TRPC4: variants seen among roughly 807,000 people sequenced by gnomAD.
TRPC4 encodes the protein transient receptor potential cation channel subfamily C member 4, also known as short transient receptor potential channel 4.
A neutral mutation model predicts 99.4 loss-of-function variants in TRPC4; 49 were observed. The ratio of observed to expected loss-of-function variants is 0.49; its 90% CI spans 0.39 to 0.63. The LOEUF (loss-of-function observed/expected upper bound fraction) is 0.63. Among genes scored for constraint, TRPC4 ranks in the 20% least tolerant of loss-of-function variants. TRPC4 has a pLI of 0.00. For synonymous variants in TRPC4, 454 were observed against 425.9 expected (o/e 1.07, Z -0.81); for missense variants, 898 against 1,152.9 (o/e 0.78, Z 3.20).
intron 3 of TRPC4, among the ~76,000 whole-genome samples, chr13:37,728,074 C>T (rs996726180): frequency 6.6e-6 from 1 of 151,832 alleles, no homozygotes; most frequent in African/African-American, 2.4e-5. Flanking sequence ...GAAAAATCAA[C>T]AATGGACATC....
chr13:37,765,792 T>G (rs184016023), intron 2 of TRPC4, among the ~76,000 whole-genome samples: 27 of 151,660 alleles, frequency 1.8e-4, no homozygotes, highest in African/African-American at 6.0e-4. Flanking sequence ...TTTGCTGATT[T>G]ATTGTTCAGT....
chr13:37,756,846 A>G (rs1755767117), intron 2 of TRPC4, among the ~76,000 whole-genome samples: 1 of 151,912 alleles, frequency 6.6e-6, no homozygotes, highest in African/African-American at 2.4e-5. Flanking sequence ...AAATACACTA[A>G]TAGTTTGATT....
chr13:37,819,617 T>C (rs1431251128), intron 1 of TRPC4, among the ~76,000 whole-genome samples: 2 of 151,712 alleles, frequency 1.3e-5, no homozygotes, highest in Non-Finnish European at 2.9e-5. Context: ...GGGAGCCAAA[T>C]GATAAGAACA....
chr13:37,688,774 G>GA (rs1016102343), intron 4 of TRPC4, among the ~76,000 whole-genome samples: 2 of 152,096 alleles, frequency 1.3e-5, no homozygotes, highest in African/African-American at 2.4e-5. Flanking sequence ...GAAGACTTGA[G>GA]AAAAAACCAT....
chr13:37,839,947 C>T (rs993614247), intron 1 of TRPC4, among the ~76,000 whole-genome samples: 2 of 152,140 alleles, frequency 1.3e-5, no homozygotes, highest in Non-Finnish European at 2.9e-5. Context: ...TAAAAACAAT[C>T]ACATTTGGGT....
chr13:37,696,003 G>A (rs746886302), intron 3 of TRPC4, among the ~76,000 whole-genome samples: 6 of 152,152 alleles, frequency 3.9e-5, no homozygotes, highest in South Asian at 4.1e-4. Flanking sequence ...TTTTTATACC[G>A]CTGATAAAGA....
chr13:37,772,595 A>C (rs1408104347), intron 2 of TRPC4, among the ~76,000 whole-genome samples: 1 of 151,844 alleles, frequency 6.6e-6, no homozygotes. Flanking sequence ...ACATATTTTC[A>C]ACATAATATT....
At chr13:37,856,911 A>G (rs1641224309) in intron 1 of TRPC4, among the ~76,000 whole-genome samples, 1 of 151,702 alleles carries the variant, frequency 6.6e-6, no homozygotes, top group Non-Finnish European at 1.5e-5. Context: ...GATAAAAGCA[A>G]TATATGACAA....
chr13:37,758,689 A>G (rs960251184), intron 2 of TRPC4, among the ~76,000 whole-genome samples: 1 of 151,780 alleles, frequency 6.6e-6, no homozygotes, highest in African/African-American at 2.4e-5. Flanking sequence ...ATGTGTATGC[A>G]GTACAAAAAT....
intron 1 of TRPC4, among the ~76,000 whole-genome samples, chr13:37,846,635 G>A (rs1185976940): frequency 3.1e-5 from 3 of 95,764 alleles, no homozygotes; most frequent in African/African-American, 1.2e-4. Context: ...AATGAAGACA[G>A]AAAGAGAGGA....
intron 1 of TRPC4, among the ~76,000 whole-genome samples, chr13:37,812,013 A>C (rs2139479923): frequency 6.6e-6 from 1 of 151,642 alleles, no homozygotes; most frequent in South Asian, 2.1e-4. Flanking sequence ...AAATACAAAA[A>C]ATATCCAGGT....
At chr13:37,781,673 G>A (rs1214033139) in intron 2 of TRPC4, among the ~76,000 whole-genome samples, 3 of 152,020 alleles carry the variant, frequency 2.0e-5, no homozygotes, top group Non-Finnish European at 4.4e-5. Flanking sequence ...ACAAACAACC[G>A]TTTATGAAAG....
chr13:37,851,178 A>G lies in TRPC4; in HGVS notation c.-28+18417T>C, dbSNP rs551890079. ...ATACAAGGAATACATAGAGTCTTGT[A>G]AAATTTTAAAATTAGTCTCCAGTCA... On this transcript the variant is annotated intron_variant, in intron 1 of 10. Coordinates refer to ENST00000379705, the MANE Select transcript of TRPC4 (RefSeq NM_016179.4). 8.5e-5 allele frequency among the ~76,000 whole-genome samples: 13 copies of G among 152,314 alleles called. No individual in the cohort carries two copies. In the East Asian group the frequency reaches 2.5e-3, roughly 29 times the overall value.
intron 1 of TRPC4, among the ~76,000 whole-genome samples, chr13:37,839,346 T>A (rs1156783160): frequency 6.6e-6 from 1 of 152,146 alleles, no homozygotes; most frequent in Admixed American, 6.6e-5. Context: ...TCTAATTACA[T>A]CTCTTTCTTT....
intron 4 of TRPC4, among the ~76,000 whole-genome samples, chr13:37,681,660 A>G (rs1953243895): frequency 6.6e-6 from 1 of 152,244 alleles, no homozygotes; most frequent in South Asian, 2.1e-4. Flanking sequence ...ATAAAAAACG[A>G]ATTCAGCTAG....
intron 3 of TRPC4, among the ~76,000 whole-genome samples, chr13:37,742,664 A>G (rs929821422): frequency 6.6e-6 from 1 of 152,106 alleles, no homozygotes; most frequent in Admixed American, 6.6e-5. Context: ...AAGGTTAATG[A>G]GAAAGCATTC....
At chr13:37,681,086 G>A (rs1213831023) in intron 4 of TRPC4, among the ~76,000 whole-genome samples, 1 of 152,204 alleles carries the variant, frequency 6.6e-6, no homozygotes, top group Non-Finnish European at 1.5e-5. Flanking sequence ...GTATAAAGAA[G>A]AAGTTATGAG....
intron 10 of TRPC4, among the ~76,000 whole-genome samples, chr13:37,638,004 C>T (rs1019947995): frequency 6.6e-6 from 1 of 152,032 alleles, no homozygotes; most frequent in Admixed American, 6.6e-5. Flanking sequence ...TAATATTGGC[C>T]CATTTTTCTG....
chr13:37,790,998 T>C lies in TRPC4; in HGVS notation c.-27-7638A>G, dbSNP rs139586865. The stretch of plus-strand genomic sequence containing the variant: ...CTGTAATTTTATATCTTATTAAAAT[T>C]ATTTAAATGCAGGAAGGAATAACAT... On this transcript the variant is annotated intron_variant, in intron 1 of 10. Transcript: ENST00000379705. Among the ~76,000 whole-genome samples the C allele has an allele frequency of 4.7e-3, 714 of 152,274 alleles. 3 individuals are homozygous for C. The highest frequency in any genetic ancestry group is 0.016 in the African/African-American group (671 of 41,570).
Sources: allele counts gnomAD v4.1 joint callset (sites outside exome capture counted in the v4.1 genomes callset), GRCh38; gene constraint gnomAD v4.1.1; transcripts MANE v1.5; gene names NCBI Gene and HGNC (gene_info 2026-07-23, HGNC 2026-07-21).